Variants in GDF5 observed in about 807,000 individuals in gnomAD.
The protein encoded by GDF5 is growth differentiation factor 5.
Under a neutral mutation model 34.6 loss-of-function variants are expected in GDF5, and 17 were observed. The ratio of observed to expected loss-of-function variants is 0.49; its 90% confidence interval spans 0.34 to 0.74. The LOEUF (loss-of-function observed/expected upper bound fraction) is 0.74. Among genes scored for constraint, GDF5 ranks in the 30% least tolerant of loss-of-function variants. GDF5 has a pLI of 0.01. For synonymous variants in GDF5, 332 were observed against 290.7 expected, an observed-to-expected ratio of 1.14 and a Z score of -1.44; for missense variants, 616 against 661.2, an observed-to-expected ratio of 0.93 and a Z score of 0.75.
intron 1 of GDF5, among the ~76,000 whole-genome samples, chr20:35,447,161 G>A (rs2062516690): frequency 1.3e-5 from 2 of 151,828 alleles, no homozygotes; most frequent in Non-Finnish European, 1.5e-5. Flanking sequence ...CCATTAACTC[G>A]TCATTTACAT....
chr20:35,434,459 C>A lies in GDF5; in HGVS notation c.956G>T (p.Gly319Val), dbSNP rs368375586. 4.8e-5 allele frequency: 78 copies of A among 1,612,680 alleles called. No homozygotes were observed. The highest frequency in any genetic ancestry group is 1.6e-4 in the Middle Eastern group (1 of 6,082). ...LCLELEAWER[G>V]RAVDLRGLGF... ...CAGGCCACGGAGGTCCACGGCCCTG[C>A]CCCGTTCCCAGGCCTCCAGCTCCAG... The change falls in exon 2 of 2, where the codon GGC becomes GTC. Residue 319 changes from glycine to valine, a missense_variant. Gly to Val is a moderately radical substitution (Grantham distance 109). Coordinates refer to ENST00000374369, the MANE Select transcript of GDF5 (RefSeq NM_000557.5).
intron 1 of GDF5, 187 bp from the exon 2 acceptor site, chr20:35,434,970 A>G: frequency 1.4e-6 from 1 of 710,402 alleles, no homozygotes; most frequent in South Asian, 1.5e-5. Flanking sequence ...TTTCCTACAT[A>G]GCCGACCAAG....
rs919087906 is a variant in GDF5, at chr20:35,433,634, G to C, written c.*275C>G. 2.2e-5 allele frequency: 11 copies of C among 504,380 alleles called. No homozygotes were observed. The highest frequency in any genetic ancestry group is 4.0e-5 in the Non-Finnish European group (11 of 276,002). The allele number at this position is 504,380 out of a possible 1,614,324, so 31.2% of individuals were successfully genotyped here. The stretch of plus-strand genomic sequence containing the variant: ...GTCTCATCGGAAAGCACTGTTTCCT[G>C]GGACTCAGTCCCATTCAGAGTCTGT... On this transcript the variant is annotated 3_prime_UTR_variant, in exon 2 of 2. Coordinates refer to ENST00000374369, the MANE Select transcript of GDF5 (RefSeq NM_000557.5).
intron 1 of GDF5, among the ~76,000 whole-genome samples, chr20:35,436,395 C>A (rs961094164): frequency 2.6e-5 from 4 of 151,940 alleles, no homozygotes; most frequent in African/African-American, 7.3e-5. Flanking sequence ...ACCCCTCCCC[C>A]ACCCTGCCAG....
At chr20:35,446,438 CTT>C (rs11477146) in intron 1 of GDF5, among the ~76,000 whole-genome samples, 55 of 135,918 alleles carry the variant, frequency 4.0e-4, no homozygotes, top group Middle Eastern at 3.9e-3. Context: ...TTATTTATTG[CTT>C]TTTTTTTTTT....
At chr20:35,448,528 C>T (rs2146590667) in intron 1 of GDF5, among the ~76,000 whole-genome samples, 1 of 136,712 alleles carries the variant, frequency 7.3e-6, no homozygotes, top group South Asian at 2.6e-4. Flanking sequence ...ACTGTAACCT[C>T]CTCCTCACAG....
intron 1 of GDF5, among the ~76,000 whole-genome samples, chr20:35,436,993 AG>A (rs751741038): frequency 7.1e-4 from 108 of 152,334 alleles, no homozygotes; most frequent in Non-Finnish European, 1.4e-3. Flanking sequence ...TGAGCAATCA[AG>A]TCTCGGAATC....
chr20:35,451,553 A>G (rs2062533609), intron 1 of GDF5, among the ~76,000 whole-genome samples: 1 of 150,726 alleles, frequency 6.6e-6, no homozygotes, highest in Non-Finnish European at 1.5e-5. Flanking sequence ...TGCAGTTTGC[A>G]GAATGCGTTT....
At position 35,434,739 on chromosome 20, in the gene GDF5, T is replaced by A. The variant is rs755592243; in HGVS notation, c.676A>T (p.Ile226Phe). ...AGCCCATCCTTCTCCAGGGCACTAA[T>A]GTCAAACACGTACCTCTGCTTCCTG... Reference protein sequence around the residue: ...VVRKQRYVFDISALEKDGLLG... With the variant: ...VVRKQRYVFDFSALEKDGLLG... Residue 226 changes from isoleucine (I) to phenylalanine (F), a missense_variant, in exon 2 of 2, where the codon ATT (isoleucine) becomes TTT (phenylalanine). Physicochemically the swap from Ile to Phe is conservative, Grantham distance 21. Coordinates refer to ENST00000374369, the MANE Select transcript of GDF5 (RefSeq NM_000557.5). The A allele has an allele frequency of 6.2e-7, 1 of 1,611,338 alleles. No homozygotes were observed. The highest frequency in any genetic ancestry group is 1.1e-5 in the South Asian group (1 of 91,084).
upstream of GDF5, among the ~76,000 whole-genome samples, chr20:35,439,405 T>A (rs984649634): frequency 6.6e-6 from 1 of 151,984 alleles, no homozygotes; most frequent in Admixed American, 6.6e-5. Context: ...TTTTTTACGT[T>A]TGTAGTAGAG....
In GDF5 at chr20:35,434,594, G is replaced by T. The variant is rs773216147; in HGVS notation, c.821C>A (p.Pro274Gln). The change falls in exon 2 of 2, where the codon CCG becomes CAG. Residue 274 changes from proline (P) to glutamine (Q), a missense_variant. Coordinates refer to ENST00000374369, the MANE Select transcript of GDF5 (RefSeq NM_000557.5). ...GGAGCGCACATCCAGCAAGGCGGCC[G>T]GCTGCCGGCCGCTGGGGCAGCTGGA... ...KLSSCPSGRQPAALLDVRSVP... is the reference protein window; with the variant it reads ...KLSSCPSGRQQAALLDVRSVP... 6.3e-6 allele frequency: 10 copies of T among 1,588,238 alleles called. No homozygotes were observed. The Admixed American group carries it at 1.7e-4, about 28-fold the overall frequency.
At chr20:35,437,011 C>T (rs2062475101) in intron 1 of GDF5, among the ~76,000 whole-genome samples, 1 of 152,246 alleles carries the variant, frequency 6.6e-6, no homozygotes, top group South Asian at 2.1e-4. Flanking sequence ...AATCTGGTCT[C>T]CAACTCTGCC....
chr20:35,449,487 T>C (rs2062524069), intron 1 of GDF5, among the ~76,000 whole-genome samples: 1 of 152,184 alleles, frequency 6.6e-6, no homozygotes, highest in Admixed American at 6.5e-5. Flanking sequence ...AGTGGCCTGA[T>C]GCTGTGTAGC....
At chr20:35,436,244 A>C (rs2062472138) in intron 1 of GDF5, among the ~76,000 whole-genome samples, 3 of 151,916 alleles carry the variant, frequency 2.0e-5, no homozygotes, top group Admixed American at 2.0e-4. Context: ...ATGAGCCCCC[A>C]AGGGGTCACA....
In GDF5 at chr20:35,437,424, G is replaced by T. The variant is rs762348699; in HGVS notation, c.505C>A (p.Pro169Thr). The T allele has an allele frequency of 6.2e-7, 1 of 1,613,702 alleles. No homozygotes were observed. The highest frequency in any genetic ancestry group is 2.2e-5 in the East Asian group (1 of 44,872). ...TACAGCGAGAGCATGTACTCGTGGG[G>T]TGTGATGGGGGGTGGGCGAAACGGC... The part of the protein sequence containing the change: ...KEPFRPPPIT[P>T]HEYMLSLYRT... The change falls in exon 1 of 2, where the codon CCC (proline) becomes ACC (threonine). Residue 169 changes from proline (P) to threonine (T), a missense_variant. By Grantham distance (38) the Pro-to-Thr change is conservative. Transcript: ENST00000374369.
chr20:35,444,528 G>C (rs2062508101), intron 1 of GDF5, among the ~76,000 whole-genome samples: 1 of 152,174 alleles, frequency 6.6e-6, no homozygotes, highest in East Asian at 1.9e-4. Context: ...GGTGAGGTCA[G>C]ATCATGCCAG....
chr20:35,452,055 T>C (rs2062535561), intron 1 of GDF5, among the ~76,000 whole-genome samples: 1 of 152,180 alleles, frequency 6.6e-6, no homozygotes, highest in Non-Finnish European at 1.5e-5. Context: ...GCAAATCTTA[T>C]TGAGACCTGT....
Position 35,437,509 on chromosome 20 carries a change from G to A in GDF5, c.420C>T (p.Val140=). The change falls in exon 1 of 2, where the codon GTC becomes GTT. Residue 140 remains valine, a synonymous_variant. Coordinates refer to ENST00000374369, the MANE Select transcript of GDF5 (RefSeq NM_000557.5). ...CCTTCTTCAGCAGGAAGGAGCTGGG[G>A]ACAGATCCTGCTTTTGGGGGTGCCT... The part of the protein sequence containing the change: ...GGKAPPKAGS[V]PSSFLLKKAR... 6.2e-7 allele frequency: 1 copy of A among 1,614,104 alleles called. No individual in the cohort carries two copies. Among genetic ancestry groups the A allele is most frequent in the Non-Finnish European group, 8.5e-7 (1 of 1,179,980 alleles).
upstream of GDF5, among the ~76,000 whole-genome samples, chr20:35,442,267 C>T (rs373904262): frequency 2.6e-5 from 4 of 152,100 alleles, no homozygotes; most frequent in East Asian, 7.7e-4. Context: ...CTGCTTCAGC[C>T]TCCTGAGTAG....
Sources: gnomAD v4.1 joint callset for allele counts (sites outside exome capture counted in the v4.1 genomes callset) on GRCh38, gnomAD v4.1.1 for gene constraint, MANE v1.5 for transcripts, NCBI Gene and HGNC (gene_info 2026-07-23, HGNC 2026-07-21) for gene names.